TMTC1: variants seen among roughly 807,000 people sequenced by gnomAD.
TMTC1 encodes transmembrane O-mannosyltransferase targeting cadherins 1, also known as protein O-mannosyl-transferase TMTC1.
A neutral mutation model predicts 104.8 loss-of-function variants in TMTC1; 73 were observed. The observed-to-expected ratio is 0.70, with a 90% confidence interval of 0.58 to 0.85. The LOEUF is 0.85. Among genes scored for constraint, TMTC1 ranks in the 40% least tolerant of loss-of-function variants. The pLI, the probability that TMTC1 is intolerant of heterozygous loss-of-function variation, is 0.00. For synonymous variants in TMTC1, 434 were observed against 428.7 expected, an observed-to-expected ratio of 1.01 and a Z score of -0.15; for missense variants, 1,035 against 1,096.1, an observed-to-expected ratio of 0.94 and a Z score of 0.79.
Position 29,512,114 on chromosome 12 carries a change from T to G in TMTC1, c.2437A>C (p.Arg813=). 1 of 1,610,798 alleles carries G rather than the reference T, an allele frequency of 6.2e-7. No homozygotes were observed. Among genetic ancestry groups the G allele is most frequent in the Non-Finnish European group, 8.5e-7 (1 of 1,178,808 alleles). ...NLLDKAFESY[R]VAVQLNPDQA... ...TCTGGGTTTAGTTGCACAGCCACTC[T>G]ATAGCTCTAAATAAATAAGAAATAT... Residue 813 remains arginine, a synonymous_variant, in exon 17 of 18, where the codon AGA becomes CGA. Coordinates refer to ENST00000539277, the MANE Select transcript of TMTC1 (RefSeq NM_001193451.2).
At chr12:29,554,732 A>AT (rs1196329216) in intron 10 of TMTC1, among the ~76,000 whole-genome samples, 2 of 152,014 alleles carry the variant, frequency 1.3e-5, no homozygotes, top group African/African-American at 4.8e-5. Flanking sequence ...TTAGCCAGCC[A>AT]TGGGGGGGCA....
rs370162572 is a variant in TMTC1, at chr12:29,756,335, C to T, written c.555-450G>A. Among the ~76,000 whole-genome samples the T allele has an allele frequency of 1.3e-4, 20 of 152,190 alleles. No homozygotes were observed. The East Asian group carries it at 1.4e-3, about 10-fold the overall frequency. The stretch of plus-strand genomic sequence containing the variant: ...CCTTATGTGTGAAAAGGGATTATAG[C>T]GTTGTAGGGGGGATTAAACGAATGA... On this transcript the variant is annotated intron_variant, in intron 3 of 17. Transcript: ENST00000539277.
intron 6 of TMTC1, among the ~76,000 whole-genome samples, chr12:29,608,199 A>T (rs1946752438): frequency 1.3e-5 from 2 of 152,208 alleles, no homozygotes; most frequent in African/African-American, 4.8e-5. Context: ...CATCATGGAC[A>T]TGGCTAAATT....
At chr12:29,596,370 A>G (rs16934577) in intron 7 of TMTC1, among the ~76,000 whole-genome samples, 2,391 of 152,284 alleles carry the variant, frequency 0.016, 55 homozygotes, top group African/African-American at 0.053. Context: ...CAATGGTATC[A>G]TTAAGTTTTA....
In TMTC1 at chr12:29,684,148, C is replaced by T. The variant is rs539981442; in HGVS notation, c.939-50812G>A. ...CATGAGCCCCTGCGTCCAACCCTTC[C>T]TATCACTTCGAATAGGAAAAACTAA... On this transcript the variant is annotated intron_variant, in intron 5 of 17. Coordinates refer to ENST00000539277, the MANE Select transcript of TMTC1 (RefSeq NM_001193451.2). 2.6e-5 allele frequency among the ~76,000 whole-genome samples: 4 copies of T among 152,330 alleles called. No homozygotes were observed. In the East Asian group the frequency reaches 7.7e-4, roughly 29 times the overall value.
At position 29,504,142 on chromosome 12, in the gene TMTC1, G is replaced by A. The variant is rs904994234; in HGVS notation, c.*2704C>T. The A allele has an allele frequency of 6.6e-6, 1 of 151,742 alleles. No homozygotes were observed. Among genetic ancestry groups the A allele is most frequent in the South Asian group, 2.1e-4 (1 of 4,798 alleles). 9.4% of individuals were successfully genotyped at this position (151,742 alleles called of 1,614,324 possible). On this transcript the variant is annotated 3_prime_UTR_variant, in exon 18 of 18. Transcript: ENST00000539277. ...ACAGACATTCAACTGAGCTCGGGGTGCTTCTGTATGCAAGGCCCTGTGGGA... is the reference window on the plus strand; with the variant it reads ...ACAGACATTCAACTGAGCTCGGGGTACTTCTGTATGCAAGGCCCTGTGGGA...
chr12:29,737,294 G>A (rs139137606), intron 5 of TMTC1, among the ~76,000 whole-genome samples: 6,143 of 152,214 alleles, frequency 0.04, 216 homozygotes, highest in African/African-American at 0.085. Flanking sequence ...TGAGGCGGGC[G>A]GATCACTTGA....
At chr12:29,763,571 G>C (rs1371655610) in intron 2 of TMTC1, among the ~76,000 whole-genome samples, 1 of 152,140 alleles carries the variant, frequency 6.6e-6, no homozygotes, top group Non-Finnish European at 1.5e-5. Context: ...CATCTGGTGG[G>C]GAGTCAAAAG....
intron 7 of TMTC1, among the ~76,000 whole-genome samples, chr12:29,600,786 A>T (rs1946543733): frequency 6.6e-6 from 1 of 152,182 alleles, no homozygotes; most frequent in Admixed American, 6.5e-5. Flanking sequence ...CTGAGATGGC[A>T]TCTCCGGAGG....
At chr12:29,784,621 C>A (rs1943914361), upstream of TMTC1, 3 of 152,418 alleles carry the variant, frequency 2.0e-5, no homozygotes, top group South Asian at 6.2e-4. Context: ...CAGCCCCTTT[C>A]TTGGCCCGCA....
chr12:29,774,942 C>T (rs895663046), intron 1 of TMTC1, among the ~76,000 whole-genome samples: 6 of 152,250 alleles, frequency 3.9e-5, no homozygotes, highest in African/African-American at 1.2e-4. Context: ...GCATCACATC[C>T]TTATCTGGCT....
At chr12:29,700,665 T>C (rs981984665) in intron 5 of TMTC1, among the ~76,000 whole-genome samples, 4 of 152,210 alleles carry the variant, frequency 2.6e-5, no homozygotes, top group South Asian at 2.1e-4. Context: ...ACCCTATTCA[T>C]AGAACTCCTC....
chr12:29,679,608 G>A (rs1043135541), intron 5 of TMTC1, among the ~76,000 whole-genome samples: 3 of 151,682 alleles, frequency 2.0e-5, no homozygotes, highest in East Asian at 1.9e-4. Flanking sequence ...TGGAGTGATC[G>A]CAGATAAAGG....
intron 5 of TMTC1, 135 bp downstream of exon 5, chr12:29,751,531 G>T: frequency 1.2e-6 from 1 of 861,738 alleles, no homozygotes; most frequent in Non-Finnish European, 1.9e-6. Context: ...GGAAGAAGGG[G>T]GTAAGGAGGG....
intron 10 of TMTC1, among the ~76,000 whole-genome samples, chr12:29,537,947 A>C (rs1356663378): frequency 6.6e-6 from 1 of 152,226 alleles, no homozygotes; most frequent in Non-Finnish European, 1.5e-5. Context: ...AATTCAATGA[A>C]GCAAATATTT....
intron 5 of TMTC1, among the ~76,000 whole-genome samples, chr12:29,681,846 G>A (rs901675387): frequency 6.6e-6 from 1 of 152,270 alleles, no homozygotes; most frequent in Non-Finnish European, 1.5e-5. Flanking sequence ...GAAATGTAAT[G>A]AGTAATTGCC....
intron 5 of TMTC1, among the ~76,000 whole-genome samples, chr12:29,725,246 C>T (rs1338294214): frequency 1.3e-5 from 2 of 151,534 alleles, no homozygotes; most frequent in Admixed American, 1.3e-4. Flanking sequence ...AGGCTGGTCT[C>T]GAACTTGTGA....
At chr12:29,699,419 T>C (rs1941516093) in intron 5 of TMTC1, among the ~76,000 whole-genome samples, 1 of 152,130 alleles carries the variant, frequency 6.6e-6, no homozygotes, top group Non-Finnish European at 1.5e-5. Context: ...ACCAAAAAAT[T>C]ACAACGTTAT....
intron 5 of TMTC1, among the ~76,000 whole-genome samples, chr12:29,705,046 T>C (rs928463939): frequency 2.0e-5 from 3 of 152,248 alleles, no homozygotes; most frequent in African/African-American, 7.2e-5. Context: ...CCTACAGGTC[T>C]ACTGATGGAA....
Sources: gnomAD v4.1 joint callset for allele counts (sites outside exome capture counted in the v4.1 genomes callset) on GRCh38, gnomAD v4.1.1 for gene constraint, MANE v1.5 for transcripts, NCBI Gene and HGNC (gene_info 2026-07-23, HGNC 2026-07-21) for gene names.